Variants in FBXO15 observed in about 807,000 individuals in gnomAD.
FBXO15 encodes F-box protein 15.
In FBXO15, 30 loss-of-function variants were observed where a neutral mutation model predicts 49.5. The ratio of observed to expected loss-of-function variants is 0.61; its 90% CI spans 0.45 to 0.82. FBXO15 has a LOEUF of 0.82. FBXO15 is among the 40% of genes least tolerant of loss of function. FBXO15 has a pLI of 0.00. For synonymous variants in FBXO15, 250 were observed against 232.7 expected, an observed-to-expected ratio of 1.07 and a Z score of -0.68; for missense variants, 591 against 631.5, an observed-to-expected ratio of 0.94 and a Z score of 0.69.
chr18:74,085,547 C>A (rs1192453281), intron 8 of FBXO15, among the ~76,000 whole-genome samples: 1 of 152,146 alleles, frequency 6.6e-6, no homozygotes, highest in Non-Finnish European at 1.5e-5. Flanking sequence ...GAGCCGAGAT[C>A]GCACCACTGC....
At chr18:74,094,098 T>C (rs1913173794) in intron 8 of FBXO15, among the ~76,000 whole-genome samples, 2 of 152,194 alleles carry the variant, frequency 1.3e-5, no homozygotes, top group Admixed American at 1.3e-4. Context: ...ATCAGAGCTC[T>C]TGCATGACTA....
chr18:74,107,452 C>T lies in FBXO15; in HGVS notation c.1138+15916G>A, dbSNP rs563528808. 3.9e-5 allele frequency among the ~76,000 whole-genome samples: 6 copies of T among 152,242 alleles called. No homozygotes were observed. In the South Asian group the frequency reaches 1.2e-3, roughly 32 times the overall value. On this transcript the variant is annotated intron_variant, in intron 8 of 9. Coordinates refer to ENST00000419743, the MANE Select transcript of FBXO15 (RefSeq NM_001142958.2). ...GTTGGAAGTCACCACTCCATCCTAA[C>T]AAGTAAAAATCAAGTCTTGTTAGAT...
intron 3 of FBXO15, among the ~76,000 whole-genome samples, chr18:74,134,234 T>C (rs1266158902): frequency 1.3e-5 from 2 of 152,130 alleles, no homozygotes; most frequent in Admixed American, 6.5e-5. Flanking sequence ...AGTATGACAA[T>C]GGTTGAGGAC....
At chr18:74,137,834 G>C (rs927355040) in intron 2 of FBXO15, among the ~76,000 whole-genome samples, 1 of 152,188 alleles carries the variant, frequency 6.6e-6, no homozygotes, top group Non-Finnish European at 1.5e-5. Context: ...CCCTGAGAAT[G>C]TTAATTTGTG....
chr18:74,124,137 G>C (rs1914598776), intron 7 of FBXO15, among the ~76,000 whole-genome samples: 1 of 152,070 alleles, frequency 6.6e-6, no homozygotes, highest in South Asian at 2.1e-4. Flanking sequence ...TCATCCGCAG[G>C]CCAGGTTCAG....
At chr18:74,143,978 A>T (rs890749428) in intron 1 of FBXO15, among the ~76,000 whole-genome samples, 1 of 152,246 alleles carries the variant, frequency 6.6e-6, no homozygotes, top group African/African-American at 2.4e-5. Context: ...GTTATACTGC[A>T]TGGGTTTGTT....
Position 74,129,653 on chromosome 18 carries a change from TG to T in FBXO15, c.576-40del, listed in dbSNP as rs1978315030. ...AAAAAACTAACAATGTTTGCCTCAT[TG>T]AAAAAAAAAAAATGCTAAAGGCAAT... is the stretch of plus-strand genomic sequence containing the variant. On this transcript the variant is annotated intron_variant, in intron 4 of 9. Transcript: ENST00000419743. The T allele has an allele frequency of 2.6e-6, 4 of 1,526,372 alleles. No individual in the cohort carries two copies. In the Admixed American group the frequency reaches 6.1e-5, roughly 23 times the overall value. The allele number at this position is 1,526,372 out of a possible 1,614,324, so 94.6% of individuals were successfully genotyped here.
Position 74,130,907 on chromosome 18 carries a change from A to G in FBXO15, c.333-249T>C, listed in dbSNP as rs564884476. On this transcript the variant is annotated intron_variant, in intron 3 of 9. Coordinates refer to ENST00000419743, the MANE Select transcript of FBXO15 (RefSeq NM_001142958.2). ...ATTTCCCAGGGTCAGGTCTCAAGTGAGTAATCTCACGTTATTTAGGATCAT... is the reference window on the plus strand; with the variant it reads ...ATTTCCCAGGGTCAGGTCTCAAGTGGGTAATCTCACGTTATTTAGGATCAT... 72 of 359,536 alleles carry G rather than the reference A, an allele frequency of 2.0e-4. No individual in the cohort carries two copies. The South Asian group carries it at 2.3e-3, about 12-fold the overall frequency. 22.3% of individuals were successfully genotyped at this position (359,536 alleles called of 1,614,324 possible).
At chr18:74,082,124 G>A (rs12962744) in intron 8 of FBXO15, 73 bp from the exon 9 acceptor site, 299,256 of 1,522,160 alleles carry the variant, frequency 0.2, 30,459 homozygotes, top group South Asian at 0.3. Flanking sequence ...TTCAGTCGGC[G>A]ACTTTATAAG....
At chr18:74,118,898 C>A (rs1482421552) in intron 8 of FBXO15, among the ~76,000 whole-genome samples, 1 of 152,190 alleles carries the variant, frequency 6.6e-6, no homozygotes, top group African/African-American at 2.4e-5. Flanking sequence ...AGTACACAGT[C>A]ATGTACTTTA....
chr18:74,124,455 C>T, intron 7 of FBXO15, 34 bp downstream of exon 7: 1 of 1,555,886 alleles, frequency 6.4e-7, no homozygotes, highest in Non-Finnish European at 8.9e-7. Context: ...ATTTACTGTA[C>T]AAAAATTCAA....
intron 8 of FBXO15, among the ~76,000 whole-genome samples, chr18:74,119,464 A>C (rs748232107): frequency 1.3e-5 from 2 of 152,204 alleles, no homozygotes; most frequent in Non-Finnish European, 2.9e-5. Flanking sequence ...TACCTAAATA[A>C]GTAAACTCAG....
chr18:74,145,401 G>C (rs1979341168), intron 1 of FBXO15, among the ~76,000 whole-genome samples: 1 of 151,966 alleles, frequency 6.6e-6, no homozygotes. Flanking sequence ...CAAGGCTAAG[G>C]CTCTAACAAG....
intron 8 of FBXO15, among the ~76,000 whole-genome samples, chr18:74,087,946 T>C (rs768576488): frequency 2.4e-4 from 36 of 152,210 alleles, no homozygotes; most frequent in Non-Finnish European, 4.3e-4. Flanking sequence ...TGGTTTTGAT[T>C]TGCACTTCTC....
chr18:74,120,388 T>A (rs568526418), intron 8 of FBXO15, among the ~76,000 whole-genome samples: 6 of 152,312 alleles, frequency 3.9e-5, no homozygotes, highest in African/African-American at 1.4e-4. Context: ...CAAGTACACA[T>A]GGAACATATA....
intron 8 of FBXO15, among the ~76,000 whole-genome samples, chr18:74,096,576 A>G (rs374457619): frequency 6.6e-6 from 1 of 152,052 alleles, no homozygotes; most frequent in East Asian, 1.9e-4. Flanking sequence ...CTAATCATTC[A>G]GTGGAAAGAT....
chr18:74,147,203 C>A (rs3813119), intron 1 of FBXO15: 24,394 of 152,270 alleles, frequency 0.16, 2,291 homozygotes, highest in East Asian at 0.27. Flanking sequence ...CCTGCCTGCC[C>A]GAGGTATCTG....
chr18:74,093,838 G>C lies in FBXO15; in HGVS notation c.1139-11787C>G, dbSNP rs998607768. On this transcript the variant is annotated intron_variant, in intron 8 of 9. Coordinates refer to ENST00000419743, the MANE Select transcript of FBXO15 (RefSeq NM_001142958.2). ...TGCGTTCTTAATGGCATCTAGAATA[G>C]TGAATCCTTTCTGAAAGGTTTTCAA... 3.9e-5 allele frequency among the ~76,000 whole-genome samples: 6 copies of C among 152,292 alleles called. No homozygotes were observed. The Middle Eastern group carries it at 0.014, about 345-fold the overall frequency.
intron 5 of FBXO15, among the ~76,000 whole-genome samples, chr18:74,126,635 G>A (rs1914722538): frequency 6.6e-6 from 1 of 152,214 alleles, no homozygotes; most frequent in Admixed American, 6.5e-5. Flanking sequence ...TAAATCACCA[G>A]TGTTTTCATA....
Sources: allele counts gnomAD v4.1 joint callset (sites outside exome capture counted in the v4.1 genomes callset), GRCh38; gene constraint gnomAD v4.1.1; transcripts MANE v1.5; gene names NCBI Gene and HGNC (gene_info 2026-07-23, HGNC 2026-07-21).